KHDRBS2: variants seen among roughly 807,000 people sequenced by gnomAD.
KHDRBS2 encodes the protein KH RNA binding domain containing, signal transduction associated 2.
In KHDRBS2, 26 loss-of-function variants were observed where a neutral mutation model predicts 44.3. That is an observed-to-expected ratio of 0.59 (90% CI 0.43 to 0.81). KHDRBS2 has a LOEUF of 0.81. Among genes scored for constraint, KHDRBS2 ranks in the 40% least tolerant of loss-of-function variants. The pLI, the probability that KHDRBS2 is intolerant of heterozygous loss-of-function variation, is 0.00. For synonymous variants in KHDRBS2, 194 were observed against 151.1 expected (o/e 1.28, Z -2.08); for missense variants, 476 against 433.1 (o/e 1.10, Z -0.88).
At chr6:61,774,449 C>A (rs1479294599) in intron 6 of KHDRBS2, among the ~76,000 whole-genome samples, 1 of 152,082 alleles carries the variant, frequency 6.6e-6, no homozygotes, top group Non-Finnish European at 1.5e-5. Flanking sequence ...TCAGCAAAGT[C>A]TCAGGATACA....
At chr6:62,249,697 A>C (rs541900671) in intron 1 of KHDRBS2, among the ~76,000 whole-genome samples, 30 of 152,196 alleles carry the variant, frequency 2.0e-4, no homozygotes, top group African/African-American at 7.2e-4. Flanking sequence ...CTTGCTGTCC[A>C]TATGAAAACC....
chr6:62,246,136 A>AT lies in KHDRBS2; in HGVS notation c.91+39721_91+39722insA, dbSNP rs1563129377. ...TATATATATATATATATATATATAT[A>AT]ATCAATGTTAAAGCTACTCAGATAA... On this transcript the variant is annotated intron_variant, in intron 1 of 8. Coordinates refer to ENST00000281156, the MANE Select transcript of KHDRBS2 (RefSeq NM_152688.4). Among the ~76,000 whole-genome samples, 5 of 139,098 alleles carry AT rather than the reference A, an allele frequency of 3.6e-5. No individual in the cohort carries two copies. In the Admixed American group the frequency reaches 3.6e-4, roughly 10 times the overall value. 91.3% of individuals were successfully genotyped at this position (139,098 alleles called of 152,430 possible).
the KHDRBS2 span, among the ~76,000 whole-genome samples, chr6:61,573,427 A>G: frequency 2.0e-5 from 3 of 152,148 alleles, no homozygotes; most frequent in Non-Finnish European, 4.4e-5. Context: ...CAATACCATC[A>G]AAGTATGCCC....
At chr6:61,673,813 T>C in the KHDRBS2 span, among the ~76,000 whole-genome samples, 3 of 141,932 alleles carry the variant, frequency 2.1e-5, no homozygotes, top group African/African-American at 7.9e-5. Flanking sequence ...TGCTCATGGG[T>C]AGGAAGAATC....
chr6:61,652,841 A>C, the KHDRBS2 span, among the ~76,000 whole-genome samples: 4 of 152,110 alleles, frequency 2.6e-5, no homozygotes, highest in African/African-American at 9.7e-5. Flanking sequence ...ATACCAGCAC[A>C]GATTGGTAAA....
chr6:61,969,098 C>T (rs1029225390), intron 4 of KHDRBS2, among the ~76,000 whole-genome samples: 3 of 151,960 alleles, frequency 2.0e-5, no homozygotes, highest in African/African-American at 7.2e-5. Context: ...AAAGCTTTTA[C>T]ATATAAGATC....
chr6:62,077,957 C>T (rs998180411), intron 2 of KHDRBS2, among the ~76,000 whole-genome samples: 2 of 152,002 alleles, frequency 1.3e-5, no homozygotes, highest in Non-Finnish European at 2.9e-5. Flanking sequence ...GTTTGTCTTT[C>T]TAAGTACGTT....
intron 6 of KHDRBS2, among the ~76,000 whole-genome samples, chr6:61,888,588 GTCTC>G (rs1801328406): frequency 7.4e-6 from 1 of 135,462 alleles, no homozygotes; most frequent in African/African-American, 2.8e-5. Context: ...TTTGAGACGA[GTCTC>G]TCTCTGTCAC....
At chr6:61,980,937 G>A (rs1773710153) in intron 3 of KHDRBS2, among the ~76,000 whole-genome samples, 1 of 152,154 alleles carries the variant, frequency 6.6e-6, no homozygotes, top group Admixed American at 6.5e-5. Context: ...TCATTTCAAT[G>A]CTAAAACCTC....
At chr6:61,751,900 T>G (rs913413792) in intron 6 of KHDRBS2, among the ~76,000 whole-genome samples, 34 of 120,924 alleles carry the variant, frequency 2.8e-4, no homozygotes, top group Middle Eastern at 3.9e-3. Context: ...GGCTGCCTTC[T>G]CATTGTGTCA....
intron 2 of KHDRBS2, among the ~76,000 whole-genome samples, chr6:62,104,440 C>T (rs1802666452): frequency 6.6e-6 from 1 of 152,052 alleles, no homozygotes; most frequent in African/African-American, 2.4e-5. Context: ...TCAAGTCATG[C>T]ATCGTTATGT....
intron 6 of KHDRBS2, among the ~76,000 whole-genome samples, chr6:61,763,695 G>A (rs1174235737): frequency 6.6e-6 from 1 of 152,096 alleles, no homozygotes; most frequent in Admixed American, 6.6e-5. Context: ...AAAATTAGAG[G>A]TGACACCTTG....
chr6:62,228,737 G>C (rs541286180), intron 1 of KHDRBS2, among the ~76,000 whole-genome samples: 11 of 152,008 alleles, frequency 7.2e-5, no homozygotes, highest in African/African-American at 2.7e-4. Flanking sequence ...TTGTCTCTTT[G>C]TTCTCATTGG....
chr6:62,252,253 T>C (rs2150175470), intron 1 of KHDRBS2, among the ~76,000 whole-genome samples: 1 of 152,070 alleles, frequency 6.6e-6, no homozygotes, highest in Non-Finnish European at 1.5e-5. Flanking sequence ...CAATACTTCA[T>C]ACTTTTGGGG....
chr6:61,627,036 G>A, the KHDRBS2 span, among the ~76,000 whole-genome samples: 5 of 151,810 alleles, frequency 3.3e-5, no homozygotes, highest in South Asian at 2.1e-4. Flanking sequence ...GGAGGATCAC[G>A]AGGTCAGGAG....
intron 2 of KHDRBS2, among the ~76,000 whole-genome samples, chr6:62,102,938 G>C (rs1802237656): frequency 6.6e-6 from 1 of 152,160 alleles, no homozygotes; most frequent in African/African-American, 2.4e-5. Flanking sequence ...ATGGCAGAGA[G>C]GAACTTTATT....
rs544153698 is a variant in KHDRBS2 at position 61,710,435 on chromosome 6, G to A, written c.894-13182C>T. Among the ~76,000 whole-genome samples, 3 of 151,596 alleles carry A rather than the reference G, an allele frequency of 2.0e-5. No homozygotes were observed. The South Asian group carries it at 6.2e-4, about 31-fold the overall frequency. ...TCATGTCTTCCTCTTTTCTCAGACTGTGAGTGATTATTCCTTAGCATTGAG... is the reference window on the plus strand; with the variant it reads ...TCATGTCTTCCTCTTTTCTCAGACTATGAGTGATTATTCCTTAGCATTGAG... On this transcript the variant is annotated intron_variant, in intron 7 of 8. Coordinates refer to ENST00000281156, the MANE Select transcript of KHDRBS2 (RefSeq NM_152688.4).
chr6:61,876,962 G>T (rs762979757), intron 6 of KHDRBS2, among the ~76,000 whole-genome samples: 1 of 151,984 alleles, frequency 6.6e-6, no homozygotes, highest in Non-Finnish European at 1.5e-5. Flanking sequence ...ACATTAGACT[G>T]GGAGTTGGCA....
At chr6:61,618,312 T>C in the KHDRBS2 span, among the ~76,000 whole-genome samples, 1 of 152,210 alleles carries the variant, frequency 6.6e-6, no homozygotes, top group South Asian at 2.1e-4. Flanking sequence ...CCACTATACA[T>C]GGAACATTCT....
Sources: allele counts gnomAD v4.1 joint callset (sites outside exome capture counted in the v4.1 genomes callset), GRCh38; gene constraint gnomAD v4.1.1; transcripts MANE v1.5; gene names NCBI Gene and HGNC (gene_info 2026-07-23, HGNC 2026-07-21).